The following NTM variants were observed in gnomAD, a reference collection of about 807,000 sequenced individuals.
NTM encodes the protein neurotrimin.
NTM carries 13 observed loss-of-function variants against 42.1 expected under a neutral mutation model. The observed-to-expected ratio is 0.31, with a 90% CI of 0.20 to 0.49. NTM has a LOEUF of 0.49. NTM is among the 20% of genes least tolerant of loss of function. The probability of loss-of-function intolerance (pLI) is 0.99; values close to 1 mark genes in which losing one functional copy is unlikely to be tolerated. For synonymous variants in NTM, 187 were observed against 179.2 expected (o/e 1.04, Z -0.35); for missense variants, 373 against 452.8 (o/e 0.82, Z 1.60).
chr11:131,974,109 T>C (rs1680861051), intron 2 of NTM, among the ~76,000 whole-genome samples: 1 of 152,218 alleles, frequency 6.6e-6, no homozygotes, highest in African/African-American at 2.4e-5. Flanking sequence ...ATACAGTATG[T>C]AATACATGTA....
intron 3 of NTM, among the ~76,000 whole-genome samples, chr11:132,187,148 G>A (rs2078540716): frequency 6.6e-6 from 1 of 152,066 alleles, no homozygotes; most frequent in South Asian, 2.1e-4. Flanking sequence ...ATGCTACTTT[G>A]AGGATGTCTT....
At chr11:132,089,765 G>T (rs1336251475) in intron 2 of NTM, among the ~76,000 whole-genome samples, 2 of 152,050 alleles carry the variant, frequency 1.3e-5, no homozygotes, top group African/African-American at 4.8e-5. Flanking sequence ...TTTGATGTTT[G>T]TTCTTGCTTC....
At chr11:131,954,663 C>A (rs931433083) in intron 2 of NTM, among the ~76,000 whole-genome samples, 2 of 151,982 alleles carry the variant, frequency 1.3e-5, no homozygotes, top group Admixed American at 6.6e-5. Flanking sequence ...GTTTGTTGTG[C>A]AAAGTTTTAG....
chr11:131,524,150 G>T (rs569820550), intron 1 of NTM, among the ~76,000 whole-genome samples: 4 of 152,206 alleles, frequency 2.6e-5, no homozygotes, highest in African/African-American at 4.8e-5. Context: ...AATGACATTT[G>T]CCTGGTGACT....
At chr11:131,843,172 C>T (rs895389199) in intron 1 of NTM, among the ~76,000 whole-genome samples, 9 of 152,116 alleles carry the variant, frequency 5.9e-5, no homozygotes, top group African/African-American at 2.2e-4. Context: ...CACATTATTA[C>T]TAGAGAAACA....
chr11:131,442,225 C>T (rs1181744863), intron 1 of NTM, among the ~76,000 whole-genome samples: 4 of 152,084 alleles, frequency 2.6e-5, no homozygotes, highest in Non-Finnish European at 5.9e-5. Flanking sequence ...GGCTGAAAGT[C>T]GCAGTAGACA....
At chr11:131,831,130 C>T (rs961177111) in intron 1 of NTM, among the ~76,000 whole-genome samples, 2 of 152,074 alleles carry the variant, frequency 1.3e-5, no homozygotes, top group African/African-American at 4.8e-5. Context: ...AGTTTGACTT[C>T]TTTTTTTCCT....
At chr11:132,282,539 C>T (rs1036147241) in intron 4 of NTM, among the ~76,000 whole-genome samples, 4 of 152,148 alleles carry the variant, frequency 2.6e-5, no homozygotes, top group African/African-American at 9.7e-5. Flanking sequence ...ATACGCTCCC[C>T]GAGTAGCTTG....
At chr11:132,094,031 GA>G (rs2060666455) in intron 2 of NTM, among the ~76,000 whole-genome samples, 1 of 152,126 alleles carries the variant, frequency 6.6e-6, no homozygotes, top group Non-Finnish European at 1.5e-5. Context: ...GTGAGATACA[GA>G]AACCGCCGGT....
rs942905603 is a variant in NTM, at chr11:131,480,771, T to C, written c.82+109883T>C. Reference sequence around the variant, plus strand: ...TCCAGGAAGAGTGGCCAGCTCTGTCTCCATTAACTTCAGTCTGGGTGGTGG... The same window carrying C: ...TCCAGGAAGAGTGGCCAGCTCTGTCCCCATTAACTTCAGTCTGGGTGGTGG... On this transcript the variant is annotated intron_variant, in intron 1 of 8. Coordinates refer to ENST00000683400, the MANE Select transcript of NTM (RefSeq NM_001352005.2). Among the ~76,000 whole-genome samples, 5 of 150,656 alleles carry C rather than the reference T, an allele frequency of 3.3e-5. 1 individual carries two copies. The highest frequency in any genetic ancestry group is 7.4e-5 in the Non-Finnish European group (5 of 67,900).
rs1261626208 is a variant in NTM at position 132,077,992 on chromosome 11, TAATC to T, written c.168-68287_168-68284del. ...ATTATACTAATGTGTATTGAACAAA[TAATC>T]AAACACTTGAAAAATAGAAATGTAT... On this transcript the variant is annotated intron_variant, in intron 2 of 8. Coordinates refer to ENST00000683400, the MANE Select transcript of NTM (RefSeq NM_001352005.2). 2.0e-5 allele frequency among the ~76,000 whole-genome samples: 3 copies of T among 152,204 alleles called. No individual in the cohort carries two copies. The East Asian group carries it at 5.8e-4, about 29-fold the overall frequency.
chr11:132,059,054 A>C (rs1442031323), intron 2 of NTM, among the ~76,000 whole-genome samples: 2 of 152,228 alleles, frequency 1.3e-5, no homozygotes, highest in Non-Finnish European at 2.9e-5. Context: ...TAGCTTAAAA[A>C]ACCAATATAG....
chr11:131,540,456 TG>T (rs1385523980), intron 1 of NTM: 2 of 152,188 alleles, frequency 1.3e-5, no homozygotes, highest in Non-Finnish European at 2.9e-5. Flanking sequence ...TGAGCCACCA[TG>T]GCCAGCCAGC....
At chr11:131,582,402 T>A (rs957100807) in intron 1 of NTM, 1 of 152,184 alleles carries the variant, frequency 6.6e-6, no homozygotes, top group Admixed American at 6.5e-5. Context: ...TCCCTTCATC[T>A]TTTTTTAGAC....
intron 1 of NTM, among the ~76,000 whole-genome samples, chr11:131,680,909 A>G (rs140556819): frequency 3.8e-3 from 17 of 4,500 alleles, no homozygotes; most frequent in African/African-American, 0.017. Context: ...GTGTGTGAGC[A>G]TGTGTGTTTC....
At chr11:131,506,584 G>A (rs73572370) in intron 1 of NTM, among the ~76,000 whole-genome samples, 3,253 of 152,286 alleles carry the variant, frequency 0.021, 119 homozygotes, top group African/African-American at 0.072. Context: ...GGCCCTCTGA[G>A]GGGTGTCCAG....
intron 2 of NTM, among the ~76,000 whole-genome samples, chr11:132,009,078 G>A (rs1244162577): frequency 1.3e-5 from 2 of 152,144 alleles, no homozygotes; most frequent in African/African-American, 4.8e-5. Context: ...GCTGACTGAT[G>A]GTCCAGCCCT....
At chr11:132,168,502 C>T (rs2075629107) in intron 3 of NTM, among the ~76,000 whole-genome samples, 1 of 152,210 alleles carries the variant, frequency 6.6e-6, no homozygotes, top group East Asian at 1.9e-4. Context: ...GTCTGCATGC[C>T]AGATTCTCCT....
chr11:132,012,627 A>C (rs964533822), intron 2 of NTM, among the ~76,000 whole-genome samples: 1 of 152,194 alleles, frequency 6.6e-6, no homozygotes, highest in African/African-American at 2.4e-5. Context: ...AAATTGTAGC[A>C]CATTTGCTTA....
Sources: gnomAD v4.1 joint callset for allele counts (sites outside exome capture counted in the v4.1 genomes callset) on GRCh38, gnomAD v4.1.1 for gene constraint, MANE v1.5 for transcripts, NCBI Gene and HGNC (gene_info 2026-07-23, HGNC 2026-07-21) for gene names.